The following PRKCE variants were observed in gnomAD, a reference collection of about 807,000 sequenced individuals.
PRKCE encodes protein kinase C epsilon type.
In PRKCE, 16 loss-of-function variants were observed where a neutral mutation model predicts 85.4. The observed-to-expected ratio is 0.19, with a 90% CI of 0.13 to 0.28. The LOEUF (loss-of-function observed/expected upper bound fraction) is 0.28, where lower values mean the gene tolerates loss of function less well. Ranked by LOEUF, PRKCE falls within the 10% of genes least tolerant of loss-of-function variation. The probability of loss-of-function intolerance (pLI) is 1.00; values close to 1 mark genes in which losing one functional copy is unlikely to be tolerated. For synonymous variants in PRKCE, 388 were observed against 371.5 expected (o/e 1.04, Z -0.51); for missense variants, 573 against 975.2 (o/e 0.59, Z 5.49).
intron 1 of PRKCE, among the ~76,000 whole-genome samples, chr2:45,791,579 T>C (rs373798961): frequency 2.6e-5 from 4 of 152,256 alleles, no homozygotes; most frequent in South Asian, 2.1e-4. Context: ...ATGGGGTCAA[T>C]TGATTGATCT....
chr2:46,059,182 G>A (rs929076840), intron 10 of PRKCE, among the ~76,000 whole-genome samples: 2 of 110,992 alleles, frequency 1.8e-5, no homozygotes, highest in Non-Finnish European at 3.4e-5. Context: ...CATGAGCCCA[G>A]GAGGTTAAGG....
At chr2:46,056,847 A>G (rs1272366820) in intron 10 of PRKCE, among the ~76,000 whole-genome samples, 1 of 152,174 alleles carries the variant, frequency 6.6e-6, no homozygotes, top group Non-Finnish European at 1.5e-5. Flanking sequence ...CAAGTATATA[A>G]AACAGATGAA....
intron 1 of PRKCE, among the ~76,000 whole-genome samples, chr2:45,751,497 T>C (rs1157117597): frequency 9.9e-6 from 1 of 100,764 alleles, no homozygotes; most frequent in Non-Finnish European, 2.1e-5. Context: ...AGTTTCCATA[T>C]TGTTTATTTG....
intron 11 of PRKCE, among the ~76,000 whole-genome samples, chr2:46,136,359 G>A (rs1675001214): frequency 6.6e-6 from 1 of 152,218 alleles, no homozygotes; most frequent in Admixed American, 6.5e-5. Flanking sequence ...ATGCTGTATG[G>A]TTTACAGAAG....
At chr2:46,012,135 G>T (rs1478164300) in intron 10 of PRKCE, among the ~76,000 whole-genome samples, 1 of 152,068 alleles carries the variant, frequency 6.6e-6, no homozygotes, top group East Asian at 1.9e-4. Context: ...TTCCACTAGA[G>T]CATAATTTTA....
At chr2:45,873,662 G>C (rs995640816) in intron 2 of PRKCE, among the ~76,000 whole-genome samples, 10 of 152,112 alleles carry the variant, frequency 6.6e-5, no homozygotes, top group African/African-American at 2.4e-4. Flanking sequence ...TTGCTCCTTT[G>C]GGCATCCCAG....
chr2:46,083,336 C>G (rs936489542), intron 10 of PRKCE, among the ~76,000 whole-genome samples: 13 of 152,158 alleles, frequency 8.5e-5, no homozygotes, highest in African/African-American at 3.1e-4. Context: ...AGTGATAAAA[C>G]CGATATGGGA....
chr2:46,090,264 TG>T (rs2103948310), intron 11 of PRKCE, among the ~76,000 whole-genome samples: 1 of 152,306 alleles, frequency 6.6e-6, no homozygotes, highest in East Asian at 1.9e-4. Flanking sequence ...TCTAGGTGAT[TG>T]GGGGACCGTA....
intron 1 of PRKCE, among the ~76,000 whole-genome samples, chr2:45,658,517 A>G (rs1675487408): frequency 6.6e-6 from 1 of 152,194 alleles, no homozygotes; most frequent in Non-Finnish European, 1.5e-5. Context: ...TCTAACTGGA[A>G]GGCATCTCCA....
At chr2:45,879,452 G>C (rs549083331) in intron 2 of PRKCE, among the ~76,000 whole-genome samples, 1 of 152,094 alleles carries the variant, frequency 6.6e-6, no homozygotes, top group South Asian at 2.1e-4. Context: ...CACACTGACC[G>C]TCTCCCCTTG....
chr2:46,060,081 GA>G (rs1452767389), intron 10 of PRKCE, among the ~76,000 whole-genome samples: 1 of 152,026 alleles, frequency 6.6e-6, no homozygotes, highest in African/African-American at 2.4e-5. Flanking sequence ...AAGGACTAAA[GA>G]AAAAATAGTA....
intron 1 of PRKCE, among the ~76,000 whole-genome samples, chr2:45,833,850 A>C (rs1690634549): frequency 6.6e-6 from 1 of 152,198 alleles, no homozygotes; most frequent in African/African-American, 2.4e-5. Context: ...CATTTCTGCT[A>C]TTAGTGCTCA....
At position 46,004,681 on chromosome 2, in the gene PRKCE, T is replaced by C. The variant is rs763115206; in HGVS notation, c.1063+43T>C. 69 of 1,488,102 alleles carry C rather than the reference T, an allele frequency of 4.6e-5. No individual in the cohort carries two copies. The highest frequency in any genetic ancestry group is 1.7e-4 in the Middle Eastern group (1 of 5,914). 92.2% of individuals were successfully genotyped at this position (1,488,102 alleles called of 1,614,324 possible). A position where few individuals can be genotyped will look rare whatever the true frequency, so the allele number is the denominator to read the frequency against. ...GCTTCCTGACCTCTGAGTTCTGCCATTGGATGGACCAAGGAGCTCTGAGGC... is the reference window on the plus strand; with the variant it reads ...GCTTCCTGACCTCTGAGTTCTGCCACTGGATGGACCAAGGAGCTCTGAGGC... On this transcript the variant is annotated intron_variant, in intron 8 of 14. Coordinates refer to ENST00000306156, the MANE Select transcript of PRKCE (RefSeq NM_005400.3). This position sits in a 1 kb window ranked among gnomAD's most constrained non-coding sequence, Gnocchi z 4.1.
At chr2:45,902,867 G>A (rs1410825590) in intron 2 of PRKCE, among the ~76,000 whole-genome samples, 1 of 152,210 alleles carries the variant, frequency 6.6e-6, no homozygotes, top group African/African-American at 2.4e-5. Context: ...AAATAAGTTT[G>A]GATAGTGCTT....
At chr2:45,654,149 T>G (rs1217208199) in intron 1 of PRKCE, among the ~76,000 whole-genome samples, 1 of 152,234 alleles carries the variant, frequency 6.6e-6, no homozygotes, top group East Asian at 1.9e-4. Flanking sequence ...GATGAGGGGC[T>G]TGGACAGTGG....
intron 1 of PRKCE, among the ~76,000 whole-genome samples, chr2:45,819,493 C>A (rs1301835373): frequency 6.6e-6 from 1 of 152,202 alleles, no homozygotes; most frequent in Non-Finnish European, 1.5e-5. Context: ...GCCGTTCTGT[C>A]CCTCCAAGGC....
intron 12 of PRKCE, among the ~76,000 whole-genome samples, chr2:46,148,061 G>C (rs1164952663): frequency 6.6e-6 from 1 of 152,242 alleles, no homozygotes; most frequent in East Asian, 1.9e-4. Flanking sequence ...CTCAAAACCA[G>C]AGACAGCTTT....
intron 1 of PRKCE, among the ~76,000 whole-genome samples, chr2:45,694,255 C>T (rs998440049): frequency 1.3e-5 from 2 of 151,298 alleles, no homozygotes; most frequent in African/African-American, 4.9e-5. Context: ...ACAGTAGGAG[C>T]CTGAGCTGGA....
intron 1 of PRKCE, among the ~76,000 whole-genome samples, chr2:45,748,410 C>T (rs777618994): frequency 6.6e-5 from 10 of 152,208 alleles, no homozygotes; most frequent in Non-Finnish European, 1.2e-4. Context: ...CGTGAGAGAG[C>T]GCAAGCAAGC....
Sources: gnomAD v4.1 joint callset for allele counts (sites outside exome capture counted in the v4.1 genomes callset) on GRCh38, gnomAD v4.1.1 for gene constraint, Gnocchi (gnomAD v3.1) non-coding constraint, MANE v1.5 for transcripts, NCBI Gene and HGNC (gene_info 2026-07-23, HGNC 2026-07-21) for gene names.